The following SIPA1L3 variants were observed in gnomAD, a reference collection of about 807,000 sequenced individuals.
SIPA1L3 encodes signal-induced proliferation-associated 1-like protein 3.
Under a neutral mutation model 150.1 loss-of-function variants are expected in SIPA1L3, and 59 were observed. The ratio of observed to expected loss-of-function variants is 0.39; its 90% CI spans 0.32 to 0.49. SIPA1L3 has a LOEUF of 0.49. Among genes scored for constraint, SIPA1L3 ranks in the 20% least tolerant of loss-of-function variants. The pLI is 0.86. For missense variants in SIPA1L3, 2,211 were observed against 2,489.5 expected (o/e 0.89, Z 2.38); for synonymous variants, 1,070 against 1,077.6 (o/e 0.99, Z 0.14).
chr19:37,984,217 A>G (rs966383330), intron 1 of SIPA1L3, among the ~76,000 whole-genome samples: 1 of 152,226 alleles, frequency 6.6e-6, no homozygotes, highest in Non-Finnish European at 1.5e-5. Flanking sequence ...ACCTTGGGCA[A>G]GTAACACCAA....
intron 6 of SIPA1L3, among the ~76,000 whole-genome samples, chr19:38,105,541 T>G (rs920349414): frequency 2.0e-5 from 3 of 152,144 alleles, no homozygotes; most frequent in Non-Finnish European, 4.4e-5. Flanking sequence ...CTCCCTCCTA[T>G]TAGAGAGAAC....
Position 38,134,001 on chromosome 19 carries a change from G to A in SIPA1L3, c.3143+3229G>A, listed in dbSNP as rs566657820. ...ACTACAACAAATTTTTTTTTTTTTT[G>A]AGACTGAGTTTCACTCTTGTTGCCC... On this transcript the variant is annotated intron_variant, in intron 10 of 21. Transcript: ENST00000222345. 4.1e-5 allele frequency among the ~76,000 whole-genome samples: 6 copies of A among 146,504 alleles called. No homozygotes were observed. In the East Asian group the frequency reaches 1.2e-3, roughly 29 times the overall value.
chr19:38,138,910 A>AAACAAAAAAAAACAAAAAC (rs1555791054), intron 10 of SIPA1L3, among the ~76,000 whole-genome samples: 14 of 112,786 alleles, frequency 1.2e-4, no homozygotes, highest in Admixed American at 9.4e-4. Flanking sequence ...AAAAAAAAAA[A>AAACAAAAAAAAACAAAAAC]AAAAACTGAG....
chr19:37,973,283 C>CTGGA (rs1302036679), intron 1 of SIPA1L3, among the ~76,000 whole-genome samples: 1 of 143,818 alleles, frequency 7.0e-6, no homozygotes, highest in African/African-American at 2.6e-5. Context: ...GTCACCCAGG[C>CTGGA]TGGAGTGCAG....
At chr19:38,191,572 G>C (rs1488560125) in intron 16 of SIPA1L3, among the ~76,000 whole-genome samples, 1 of 152,014 alleles carries the variant, frequency 6.6e-6, no homozygotes, top group Admixed American at 6.6e-5. Flanking sequence ...CAGCACTTTG[G>C]GGGGCCGAGG....
chr19:38,118,203 G>A (rs1191707969), intron 8 of SIPA1L3, among the ~76,000 whole-genome samples: 1 of 152,054 alleles, frequency 6.6e-6, no homozygotes, highest in African/African-American at 2.4e-5. Flanking sequence ...CTACAATAAA[G>A]CCGTATAACA....
chr19:38,078,798 G>A (rs1014969862), intron 2 of SIPA1L3, among the ~76,000 whole-genome samples: 1 of 152,154 alleles, frequency 6.6e-6, no homozygotes, highest in Non-Finnish European at 1.5e-5. Flanking sequence ...AGGAGGGAGC[G>A]GGCACGGCTG....
chr19:38,030,934 T>C (rs1234011933), intron 2 of SIPA1L3, among the ~76,000 whole-genome samples: 1 of 152,084 alleles, frequency 6.6e-6, no homozygotes, highest in Non-Finnish European at 1.5e-5. Flanking sequence ...AGACCCTGGA[T>C]GCAGGTAGCC....
intron 1 of SIPA1L3, among the ~76,000 whole-genome samples, chr19:37,940,375 C>T (rs1269415208): frequency 6.6e-6 from 1 of 152,012 alleles, no homozygotes; most frequent in Admixed American, 6.6e-5. Context: ...CCACCACCAC[C>T]CACCCTCTAC....
chr19:38,094,896 A>G lies in SIPA1L3; in HGVS notation c.1666-5066A>G, dbSNP rs1470694117. On this transcript the variant is annotated intron_variant, in intron 4 of 21. Coordinates refer to ENST00000222345, the MANE Select transcript of SIPA1L3 (RefSeq NM_015073.3). ...AGCCTGGTCAACATGGCAAAACTCC[A>G]TCTCTACTAAAAATACAAAAATTAG... 2.0e-5 allele frequency among the ~76,000 whole-genome samples: 3 copies of G among 151,950 alleles called. 1 individual carries two copies. Among genetic ancestry groups the G allele is most frequent in the South Asian group, 4.1e-4 (2 of 4,822 alleles).
At chr19:37,934,281 A>C (rs1216234664) in intron 1 of SIPA1L3, among the ~76,000 whole-genome samples, 2 of 152,192 alleles carry the variant, frequency 1.3e-5, no homozygotes, top group Non-Finnish European at 2.9e-5. Context: ...GCTGTAGCAT[A>C]CATCATCGCA....
chr19:37,921,091 C>T (rs551061492), intron 1 of SIPA1L3, among the ~76,000 whole-genome samples: 8 of 152,258 alleles, frequency 5.3e-5, no homozygotes, highest in South Asian at 2.1e-4. Flanking sequence ...CACAGCACCG[C>T]GGCAGGAGGC....
At position 38,075,195 on chromosome 19, in the gene SIPA1L3, G is replaced by A. The variant is rs1000325482; in HGVS notation, c.-310-6061G>A. ...CTATTTACTGGGCGTGGTGGCTCACGCCTATAATCCTAGCACTTTGGGAGG... is the reference window on the plus strand; with the variant it reads ...CTATTTACTGGGCGTGGTGGCTCACACCTATAATCCTAGCACTTTGGGAGG... On this transcript the variant is annotated intron_variant, in intron 2 of 21. Transcript: ENST00000222345. 3.3e-5 allele frequency among the ~76,000 whole-genome samples: 5 copies of A among 152,306 alleles called. No homozygotes were observed. The South Asian group carries it at 8.3e-4, about 25-fold the overall frequency.
intron 1 of SIPA1L3, among the ~76,000 whole-genome samples, chr19:37,912,786 AG>A (rs2046387085): frequency 6.6e-6 from 1 of 151,148 alleles, no homozygotes; most frequent in South Asian, 2.1e-4. Context: ...AGAAATTCAC[AG>A]GAAGAGCCAA....
chr19:38,094,291 T>A (rs528645785), intron 4 of SIPA1L3, among the ~76,000 whole-genome samples: 1 of 152,278 alleles, frequency 6.6e-6, no homozygotes, highest in African/African-American at 2.4e-5. Context: ...CTCTGTCCCC[T>A]GGGCTGAAGT....
intron 14 of SIPA1L3, 29 bp downstream of exon 14, chr19:38,162,400 G>T (rs200081015): frequency 1.3e-6 from 2 of 1,555,132 alleles, no homozygotes; most frequent in African/African-American, 1.4e-5. Context: ...CTGCCCTACC[G>T]GGGGAGCCAG....
At chr19:37,986,906 G>A (rs1967367192) in intron 1 of SIPA1L3, among the ~76,000 whole-genome samples, 1 of 152,104 alleles carries the variant, frequency 6.6e-6, no homozygotes, top group Non-Finnish European at 1.5e-5. Flanking sequence ...TCTGGTCTGA[G>A]GAGGAGCTGA....
At chr19:38,049,269 C>G (rs756478032) in intron 2 of SIPA1L3, among the ~76,000 whole-genome samples, 6 of 152,154 alleles carry the variant, frequency 3.9e-5, no homozygotes, top group Non-Finnish European at 7.3e-5. Context: ...TCCGGTGTGT[C>G]TGTAGCTGTG....
At position 38,028,714 on chromosome 19, in the gene SIPA1L3, AC is replaced by A. The variant is rs955010055; in HGVS notation, c.-378-374del. 2.8e-3 allele frequency among the ~76,000 whole-genome samples: 389 copies of A among 140,314 alleles called. 1 individual carries two copies. Among genetic ancestry groups the A allele is most frequent in the African/African-American group, 1.0e-2 (376 of 37,604 alleles). 92.1% of individuals were successfully genotyped at this position (140,314 alleles called of 152,430 possible). Reference sequence around the variant, plus strand: ...ATACTTTTTTTTTTTTTTTTTTGAGACAGAGTCTTGCTCCATCACCCAGGCT... The same window carrying A: ...ATACTTTTTTTTTTTTTTTTTTGAGAAGAGTCTTGCTCCATCACCCAGGCT... On this transcript the variant is annotated intron_variant, in intron 1 of 21. Coordinates refer to ENST00000222345, the MANE Select transcript of SIPA1L3 (RefSeq NM_015073.3).
Sources: allele counts gnomAD v4.1 joint callset (sites outside exome capture counted in the v4.1 genomes callset), GRCh38; gene constraint gnomAD v4.1.1; transcripts MANE v1.5; gene names NCBI Gene and HGNC (gene_info 2026-07-23, HGNC 2026-07-21).